Variants in ADAMTS3 observed in about 807,000 individuals in gnomAD.
The protein encoded by ADAMTS3 is ADAM metallopeptidase with thrombospondin type 1 motif 3.
A neutral mutation model predicts 129.0 loss-of-function variants in ADAMTS3; 73 were observed. The observed-to-expected ratio is 0.57, with a 90% CI of 0.47 to 0.69. ADAMTS3 has a LOEUF of 0.69. ADAMTS3 is among the 30% of genes least tolerant of loss of function. The pLI is 0.00. For synonymous variants in ADAMTS3, 477 were observed against 510.8 expected (o/e 0.93, Z 0.89); for missense variants, 1,457 against 1,514.5 (o/e 0.96, Z 0.63).
intron 3 of ADAMTS3, among the ~76,000 whole-genome samples, chr4:72,425,382 G>A (rs1017714854): frequency 6.6e-6 from 1 of 151,928 alleles, no homozygotes; most frequent in Non-Finnish European, 1.5e-5. Context: ...TGTGCACAAT[G>A]TGCAGGTTAG....
chr4:72,335,546 G>A (rs1053005288), intron 5 of ADAMTS3, among the ~76,000 whole-genome samples: 3 of 151,732 alleles, frequency 2.0e-5, no homozygotes, highest in Admixed American at 6.6e-5. Context: ...CAACTTAAAC[G>A]TTCTAAGCCA....
intron 4 of ADAMTS3, among the ~76,000 whole-genome samples, chr4:72,342,762 G>A (rs1051110113): frequency 6.6e-6 from 1 of 152,062 alleles, no homozygotes; most frequent in African/African-American, 2.4e-5. Context: ...ACAACCGACT[G>A]ACCCCAACCA....
At chr4:72,479,781 T>C (rs926332524) in intron 3 of ADAMTS3, among the ~76,000 whole-genome samples, 1 of 152,178 alleles carries the variant, frequency 6.6e-6, no homozygotes, top group African/African-American at 2.4e-5. Context: ...GAGAAAATTT[T>C]CGCAACCTAC....
chr4:72,315,851 T>C lies in ADAMTS3; in HGVS notation c.1599+7A>G, dbSNP rs772004057. ...TACATATTTATTGTGTAAATAGATA[T>C]ACTCACTTTTCCAGCAGCACATTCA... On this transcript the variant is annotated splice_region_variant and intron_variant, in intron 11 of 21. Transcript: ENST00000286657. 1.2e-5 allele frequency: 19 copies of C among 1,529,884 alleles called. No homozygotes were observed. Among genetic ancestry groups the C allele is most frequent in the Non-Finnish European group, 1.6e-5 (18 of 1,107,666 alleles). The allele number at this position is 1,529,884 out of a possible 1,614,324, so 94.8% of individuals were successfully genotyped here.
intron 3 of ADAMTS3, among the ~76,000 whole-genome samples, chr4:72,497,570 A>G (rs1719901261): frequency 6.6e-6 from 1 of 151,596 alleles, no homozygotes; most frequent in Admixed American, 6.6e-5. Context: ...ATTAACCCAG[A>G]AGAATATCAT....
At chr4:72,455,950 G>T (rs1248787492) in intron 3 of ADAMTS3, among the ~76,000 whole-genome samples, 3 of 64,282 alleles carry the variant, frequency 4.7e-5, no homozygotes, top group Admixed American at 2.3e-4. Flanking sequence ...TATATATACA[G>T]TATATATACT....
chr4:72,312,248 GT>G (rs776539668), intron 13 of ADAMTS3, 42 bp downstream of exon 13: 2 of 1,607,666 alleles, frequency 1.2e-6, no homozygotes, highest in South Asian at 2.2e-5. Context: ...TAAACTGTGA[GT>G]AACCATCCAC....
intron 4 of ADAMTS3, among the ~76,000 whole-genome samples, chr4:72,371,698 T>A (rs991476141): frequency 9.2e-5 from 14 of 152,066 alleles, no homozygotes; most frequent in African/African-American, 2.9e-4. Context: ...TAGTTGAAGA[T>A]TTCAGCACAA....
intron 3 of ADAMTS3, among the ~76,000 whole-genome samples, chr4:72,511,951 G>T (rs1389237351): frequency 6.6e-6 from 1 of 152,164 alleles, no homozygotes; most frequent in Non-Finnish European, 1.5e-5. Flanking sequence ...ACGAGAGCTT[G>T]TCATTTGCAA....
chr4:72,557,100 C>G (rs1440990771), intron 2 of ADAMTS3, among the ~76,000 whole-genome samples: 6 of 151,852 alleles, frequency 4.0e-5, no homozygotes, highest in Non-Finnish European at 8.8e-5. Context: ...CAGGCAATTT[C>G]TTTTATCAGG....
At chr4:72,374,653 A>T (rs1721093719) in intron 4 of ADAMTS3, among the ~76,000 whole-genome samples, 1 of 152,012 alleles carries the variant, frequency 6.6e-6, no homozygotes, top group Non-Finnish European at 1.5e-5. Context: ...ACATTGGTGG[A>T]TTATTTATTG....
chr4:72,376,244 T>G (rs1325596341), intron 4 of ADAMTS3, among the ~76,000 whole-genome samples: 1 of 152,170 alleles, frequency 6.6e-6, no homozygotes, highest in Non-Finnish European at 1.5e-5. Context: ...TTCTTAAGGC[T>G]GGGAGAGCCC....
intron 3 of ADAMTS3, among the ~76,000 whole-genome samples, chr4:72,530,737 TATATATA>T (rs1721010177): frequency 2.0e-5 from 1 of 50,214 alleles, no homozygotes; most frequent in African/African-American, 1.1e-4. Flanking sequence ...CATTATATAT[TATATATA>T]TTATATATTA....
chr4:72,560,221 T>TAA (rs35259992), intron 2 of ADAMTS3, among the ~76,000 whole-genome samples: 9,947 of 144,222 alleles, frequency 0.069, 725 homozygotes, highest in African/African-American at 0.18. Context: ...CCCAAAACTA[T>TAA]AAAAAAAAAA....
chr4:72,513,737 T>C (rs889500129), intron 3 of ADAMTS3, among the ~76,000 whole-genome samples: 2 of 152,160 alleles, frequency 1.3e-5, no homozygotes, highest in South Asian at 4.1e-4. Flanking sequence ...TTTTTTTACA[T>C]AAATATATTG....
intron 11 of ADAMTS3, 45 bp from the exon 12 acceptor site, chr4:72,313,867 T>C: frequency 6.2e-7 from 1 of 1,606,506 alleles, no homozygotes; most frequent in Non-Finnish European, 8.5e-7. Flanking sequence ...ACGCATACAC[T>C]AAAGCTGAAG....
At chr4:72,507,984 T>A (rs940060142) in intron 3 of ADAMTS3, among the ~76,000 whole-genome samples, 6 of 152,200 alleles carry the variant, frequency 3.9e-5, no homozygotes, top group African/African-American at 1.2e-4. Flanking sequence ...AAGTATGTCA[T>A]TTTTACCTTA....
At chr4:72,525,271 A>G (rs571781194) in intron 3 of ADAMTS3, among the ~76,000 whole-genome samples, 10 of 152,308 alleles carry the variant, frequency 6.6e-5, no homozygotes, top group African/African-American at 9.6e-5. Flanking sequence ...TCCTTCTTCT[A>G]TGAGAAAGTG....
chr4:72,461,433 G>A (rs947703508), intron 3 of ADAMTS3, among the ~76,000 whole-genome samples: 1 of 151,500 alleles, frequency 6.6e-6, no homozygotes, highest in Non-Finnish European at 1.5e-5. Context: ...TTTTTCTTTA[G>A]TGGACTGTAG....
Sources: gnomAD v4.1 joint callset for allele counts (sites outside exome capture counted in the v4.1 genomes callset) on GRCh38, gnomAD v4.1.1 for gene constraint, MANE v1.5 for transcripts, NCBI Gene and HGNC (gene_info 2026-07-23, HGNC 2026-07-21) for gene names.